ENAH: variants seen among roughly 807,000 people sequenced by gnomAD.
ENAH encodes the protein ENAH actin regulator, also known as protein enabled homolog.
In ENAH, 23 loss-of-function variants were observed where a neutral mutation model predicts 78.7. The ratio of observed to expected loss-of-function variants is 0.29; its 90% CI spans 0.21 to 0.41. ENAH has a LOEUF of 0.41. Among genes scored for constraint, ENAH ranks in the 10% least tolerant of loss-of-function variants. The pLI is 1.00. For synonymous variants in ENAH, 226 were observed against 241.0 expected, an observed-to-expected ratio of 0.94 and a Z score of 0.58; for missense variants, 544 against 691.0, an observed-to-expected ratio of 0.79 and a Z score of 2.39.
intron 2 of ENAH, among the ~76,000 whole-genome samples, chr1:225,559,179 G>A (rs955938523): frequency 1.2e-4 from 18 of 151,946 alleles, no homozygotes; most frequent in African/African-American, 2.9e-4. Flanking sequence ...TTATTTCATC[G>A]TGATTTCTTC....
chr1:225,535,391 C>T (rs1425547068), intron 3 of ENAH: 1 of 484,940 alleles, frequency 2.1e-6, no homozygotes, highest in Non-Finnish European at 3.6e-6. Flanking sequence ...CAATAGCTTG[C>T]TATATATCCC....
chr1:225,594,391 A>G (rs1353053850), intron 1 of ENAH, among the ~76,000 whole-genome samples: 1 of 152,168 alleles, frequency 6.6e-6, no homozygotes, highest in African/African-American at 2.4e-5. Flanking sequence ...TTGTCAAATA[A>G]GAAAATCCTT....
At chr1:225,622,054 T>G (rs1204124483) in intron 1 of ENAH, among the ~76,000 whole-genome samples, 1 of 152,234 alleles carries the variant, frequency 6.6e-6, no homozygotes, top group African/African-American at 2.4e-5. Flanking sequence ...GTTTTTAACA[T>G]GCCATTGCTC....
intron 1 of ENAH, among the ~76,000 whole-genome samples, chr1:225,649,459 CACACT>C (rs1033110812): frequency 6.6e-6 from 1 of 151,674 alleles, no homozygotes; most frequent in Non-Finnish European, 1.5e-5. Flanking sequence ...TTAAAAGGCA[CACACT>C]GTATGTACAT....
intron 1 of ENAH, among the ~76,000 whole-genome samples, chr1:225,567,806 C>T (rs1009095178): frequency 2.0e-5 from 3 of 152,140 alleles, no homozygotes; most frequent in Admixed American, 1.3e-4. Flanking sequence ...CAACCTAATA[C>T]AAGTGTAAAT....
chr1:225,497,730 A>G lies in ENAH; in HGVS notation c.*45T>C. On this transcript the variant is annotated 3_prime_UTR_variant, in exon 14 of 14. Transcript: ENST00000366843. ...TGTGAACAGTTGTTGTTTGTAGGAT[A>G]TTTTTCCTCCAGATTAAAGTCCTAT... 1 of 1,590,238 alleles carries G rather than the reference A, an allele frequency of 6.3e-7. No individual in the cohort carries two copies. Among genetic ancestry groups the G allele is most frequent in the Non-Finnish European group, 8.6e-7 (1 of 1,162,358 alleles).
chr1:225,565,926 G>A (rs2096732762), intron 2 of ENAH, among the ~76,000 whole-genome samples: 1 of 152,160 alleles, frequency 6.6e-6, no homozygotes. Flanking sequence ...AGAAAGAGAG[G>A]CAGGCCGAAA....
rs1330552940 is a variant in ENAH, at chr1:225,652,929, G to C, written c.-239C>G. On this transcript the variant is annotated 5_prime_UTR_variant, in exon 1 of 14. Transcript: ENST00000366843. ...GGAGGGGGCGGAGAGGCCGAGGCGCGGAGCTGGTCCCCAGGCGGCCGCCGC... is the reference window on the plus strand; with the variant it reads ...GGAGGGGGCGGAGAGGCCGAGGCGCCGAGCTGGTCCCCAGGCGGCCGCCGC... 5.2e-6 allele frequency: 2 copies of C among 387,300 alleles called. No individual in the cohort carries two copies. Among genetic ancestry groups the C allele is most frequent in the Non-Finnish European group, 9.1e-6 (2 of 219,632 alleles). 24.0% of individuals were successfully genotyped at this position (387,300 alleles called of 1,614,324 possible). A position where few individuals can be genotyped will look rare whatever the true frequency, so the allele number is the denominator to read the frequency against.
rs1486892986 is a variant in ENAH, at chr1:225,488,418, A to T, written c.*9357T>A. On this transcript the variant is annotated 3_prime_UTR_variant, in exon 14 of 14. Transcript: ENST00000366843. ...CTGCCTGAAGTTGTGCTCTGCTCAC[A>T]GCACGAGTGTGGCTGTCCCTCTCTC... is the stretch of plus-strand genomic sequence containing the variant. 6.6e-6 allele frequency: 1 copy of T among 152,234 alleles called. No individual in the cohort carries two copies. Among genetic ancestry groups the T allele is most frequent in the Admixed American group, 6.5e-5 (1 of 15,288 alleles). 9.4% of individuals were successfully genotyped at this position (152,234 alleles called of 1,614,324 possible). A position where few individuals can be genotyped will look rare whatever the true frequency, so the allele number is the denominator to read the frequency against.
At chr1:225,631,680 A>T (rs1659101899) in intron 1 of ENAH, among the ~76,000 whole-genome samples, 1 of 152,192 alleles carries the variant, frequency 6.6e-6, no homozygotes, top group Non-Finnish European at 1.5e-5. Flanking sequence ...GCCTATTTAC[A>T]ACTTGAAAGT....
At chr1:225,512,827 A>G (rs2151118532) in intron 8 of ENAH, 44 bp downstream of exon 8, 3 of 1,609,284 alleles carry the variant, frequency 1.9e-6, no homozygotes, top group Non-Finnish European at 2.5e-6. Context: ...TACAATTAAA[A>G]TCCTCTCAAT....
chr1:225,499,258 ACT>A (rs1421694010), intron 12 of ENAH, among the ~76,000 whole-genome samples: 5 of 152,048 alleles, frequency 3.3e-5, no homozygotes, highest in Non-Finnish European at 7.4e-5. Context: ...ACAAAGCGAG[ACT>A]CTGTCTCAAA....
At chr1:225,611,617 G>C (rs938447496) in intron 1 of ENAH, among the ~76,000 whole-genome samples, 2 of 151,764 alleles carry the variant, frequency 1.3e-5, no homozygotes, top group African/African-American at 4.8e-5. Context: ...ACCTTGCCCA[G>C]ACAAAAAAAA....
intron 1 of ENAH, among the ~76,000 whole-genome samples, chr1:225,599,784 G>A (rs1192501375): frequency 2.3e-5 from 3 of 132,990 alleles, no homozygotes; most frequent in African/African-American, 5.9e-5. Context: ...CGACAGGGCC[G>A]AGACTCCGTC....
chr1:225,521,778 G>A (rs143273161), intron 4 of ENAH, among the ~76,000 whole-genome samples: 309 of 151,932 alleles, frequency 2.0e-3, no homozygotes, highest in African/African-American at 7.1e-3. Flanking sequence ...GGGCTATAAC[G>A]ATAGTTTTTT....
intron 2 of ENAH, 55 bp from the exon 3 acceptor site, chr1:225,555,138 T>C (rs2096659806): frequency 7.1e-7 from 1 of 1,401,112 alleles, no homozygotes; most frequent in Non-Finnish European, 9.7e-7. Context: ...AAATCAAGGA[T>C]GTCAACAAAT....
intron 4 of ENAH, among the ~76,000 whole-genome samples, chr1:225,526,928 C>G (rs893318702): frequency 1.3e-5 from 2 of 152,056 alleles, no homozygotes; most frequent in African/African-American, 4.8e-5. Flanking sequence ...TAAGCAGCAC[C>G]AAAGTTGATC....
chr1:225,582,704 T>C lies in ENAH; in HGVS notation c.6-15290A>G, dbSNP rs1024867515. ...CTGATCTACTCATGTGTAGGGCAGT[T>C]TCCAAGTAACTAAAAGAGCTGAACC... is the stretch of plus-strand genomic sequence containing the variant. On this transcript the variant is annotated intron_variant, in intron 1 of 13. Transcript: ENST00000366843. Among the ~76,000 whole-genome samples, 6 of 152,114 alleles carry C rather than the reference T, an allele frequency of 3.9e-5. 1 individual carries two copies. Among genetic ancestry groups the C allele is most frequent in the Admixed American group, 2.0e-4 (3 of 15,272 alleles).
chr1:225,519,113 TGTGAAATA>T, intron 5 of ENAH, 77 bp downstream of exon 5: 1 of 1,528,700 alleles, frequency 6.5e-7, no homozygotes, highest in Non-Finnish European at 8.8e-7. Context: ...ACATCTCAAA[TGTGAAATA>T]TTTTAACACA....
Sources: gnomAD v4.1 joint callset for allele counts (sites outside exome capture counted in the v4.1 genomes callset) on GRCh38, gnomAD v4.1.1 for gene constraint, MANE v1.5 for transcripts, NCBI Gene and HGNC (gene_info 2026-07-23, HGNC 2026-07-21) for gene names.